HECW2: variants seen among roughly 807,000 people sequenced by gnomAD.
The protein encoded by HECW2 is E3 ubiquitin-protein ligase HECW2.
A neutral mutation model predicts 175.2 loss-of-function variants in HECW2; 61 were observed. That is an observed-to-expected ratio of 0.35 (90% CI 0.28 to 0.43). HECW2 has a LOEUF of 0.43. HECW2 is among the 20% of genes least tolerant of loss of function. The pLI is 1.00. For synonymous variants in HECW2, 671 were observed against 731.0 expected (o/e 0.92, Z 1.32); for missense variants, 1,524 against 2,000.5 (o/e 0.76, Z 4.54).
intron 1 of HECW2, among the ~76,000 whole-genome samples, chr2:196,476,996 A>T (rs1187923202): frequency 6.7e-6 from 1 of 149,796 alleles, no homozygotes. Flanking sequence ...TTTAAAAATT[A>T]GCCAGGCGTG....
chr2:196,417,577 C>A (rs571356467), intron 2 of HECW2, among the ~76,000 whole-genome samples: 55 of 152,264 alleles, frequency 3.6e-4, no homozygotes, highest in African/African-American at 1.2e-3. Flanking sequence ...GCTGATTTTT[C>A]AAAAGAATTT....
intron 28 of HECW2, among the ~76,000 whole-genome samples, chr2:196,211,033 A>C (rs1340360462): frequency 6.6e-6 from 1 of 152,214 alleles, no homozygotes; most frequent in African/African-American, 2.4e-5. Flanking sequence ...TCTATTTCAT[A>C]ATTAACTCTT....
intron 2 of HECW2, among the ~76,000 whole-genome samples, chr2:196,381,318 C>G (rs1423710776): frequency 2.6e-5 from 4 of 152,148 alleles, no homozygotes; most frequent in Non-Finnish European, 5.9e-5. Context: ...TCCTACTAAC[C>G]ATGTGGACTA....
At chr2:196,482,000 A>G (rs1686858309) in intron 1 of HECW2, among the ~76,000 whole-genome samples, 1 of 152,204 alleles carries the variant, frequency 6.6e-6, no homozygotes, top group African/African-American at 2.4e-5. Context: ...GGTGGGATAC[A>G]TAATTTGCAG....
At chr2:196,417,520 T>C (rs1695287273) in intron 2 of HECW2, among the ~76,000 whole-genome samples, 1 of 152,206 alleles carries the variant, frequency 6.6e-6, no homozygotes, top group African/African-American at 2.4e-5. Flanking sequence ...GCTCAAGTGA[T>C]CCTCCAGCCT....
intron 1 of HECW2, among the ~76,000 whole-genome samples, chr2:196,455,619 C>T (rs890516573): frequency 6.6e-6 from 1 of 152,126 alleles, no homozygotes; most frequent in Non-Finnish European, 1.5e-5. Flanking sequence ...AATACAAACT[C>T]TGGATTGCTT....
chr2:196,210,369 C>CT (rs1281322776), intron 28 of HECW2, among the ~76,000 whole-genome samples: 5 of 151,686 alleles, frequency 3.3e-5, no homozygotes, highest in Non-Finnish European at 2.9e-5. Flanking sequence ...TAGTAATTGA[C>CT]TTTTTTTTCC....
intron 23 of HECW2, 75 bp from the exon 24 acceptor site, chr2:196,222,415 AC>A: frequency 6.4e-6 from 9 of 1,415,432 alleles, no homozygotes; most frequent in Non-Finnish European, 8.7e-6. Flanking sequence ...AAGGAAAGAA[AC>A]TAAGAATTAA....
chr2:196,592,583 G>C (rs1478287644), intron 1 of HECW2: 1 of 152,352 alleles, frequency 6.6e-6, no homozygotes, highest in African/African-American at 2.4e-5. Flanking sequence ...AGGAAATGAA[G>C]CGTCCTCTCC....
intron 1 of HECW2, among the ~76,000 whole-genome samples, chr2:196,508,648 C>T (rs1687847274): frequency 6.6e-6 from 1 of 152,132 alleles, no homozygotes. Flanking sequence ...CAAATCACTC[C>T]CATTGGGGCT....
intron 13 of HECW2, among the ~76,000 whole-genome samples, 153 bp downstream of exon 13, chr2:196,306,335 C>T (rs1167301491): frequency 3.3e-5 from 5 of 152,162 alleles, no homozygotes; most frequent in South Asian, 2.1e-4. Context: ...TGGACTAAAC[C>T]GGTTAAAGTG....
chr2:196,473,189 A>G (rs1447124435), intron 1 of HECW2, among the ~76,000 whole-genome samples: 2 of 152,210 alleles, frequency 1.3e-5, no homozygotes, highest in Non-Finnish European at 2.9e-5. Flanking sequence ...GATAGCTCCA[A>G]AAGAACCATT....
chr2:196,561,681 A>ATTC (rs1187910732), intron 1 of HECW2, among the ~76,000 whole-genome samples: 51 of 152,204 alleles, frequency 3.4e-4, no homozygotes, highest in Non-Finnish European at 6.5e-4. Context: ...GGAAAATAGA[A>ATTC]AAGAACCTAT....
In HECW2 at chr2:196,407,209, C is replaced by CTTT. The variant is rs142961175; in HGVS notation, c.292+25920_292+25922dup. 2.9e-3 allele frequency among the ~76,000 whole-genome samples: 420 copies of CTTT among 143,526 alleles called. 3 individuals carry two copies. The highest frequency in any genetic ancestry group is 0.01 in the African/African-American group (400 of 39,150). 94.2% of individuals were successfully genotyped at this position (143,526 alleles called of 152,430 possible). A position where few individuals can be genotyped will look rare whatever the true frequency, so the allele number is the denominator to read the frequency against. On this transcript the variant is annotated intron_variant, in intron 2 of 28. Coordinates refer to ENST00000644978, the MANE Select transcript of HECW2 (RefSeq NM_001348768.2). ...TATGTGGCAGATAATACTTTCAAAA[C>CTTT]TTTTTTTTTTTTTTTTAAGACAGGG... is the stretch of plus-strand genomic sequence containing the variant.
At chr2:196,334,362 A>G (rs1480310387) in intron 4 of HECW2, 62 bp downstream of exon 4, 19 of 1,290,500 alleles carry the variant, frequency 1.5e-5, no homozygotes, top group Admixed American at 2.0e-5. Context: ...CCGCACAGGT[A>G]AAAATAGAAA....
chr2:196,284,185 A>G (rs963682621), intron 14 of HECW2, among the ~76,000 whole-genome samples: 3 of 152,170 alleles, frequency 2.0e-5, no homozygotes, highest in Admixed American at 2.0e-4. Flanking sequence ...CAGTTTCAAC[A>G]CTGCAAAGTT....
chr2:196,225,768 T>G lies in HECW2; in HGVS notation c.4016+4A>C. Reference sequence around the variant, plus strand: ...AATTATGCAGGCAATAAAAATATTCTTACATTCTGAGAAGAGCCTTATAAA... The same window carrying G: ...AATTATGCAGGCAATAAAAATATTCGTACATTCTGAGAAGAGCCTTATAAA... On this transcript the variant is annotated splice_donor_region_variant and intron_variant, in intron 23 of 28. Transcript: ENST00000644978. 1 of 1,566,112 alleles carries G rather than the reference T, an allele frequency of 6.4e-7. No individual in the cohort carries two copies. The highest frequency in any genetic ancestry group is 8.8e-7 in the Non-Finnish European group (1 of 1,136,770).
At chr2:196,486,166 A>T (rs1242727930) in intron 1 of HECW2, among the ~76,000 whole-genome samples, 3 of 152,216 alleles carry the variant, frequency 2.0e-5, no homozygotes, top group African/African-American at 7.2e-5. Flanking sequence ...GTTATGAATA[A>T]GGAAGGAAGG....
At chr2:196,302,402 C>T (rs1488377068) in intron 13 of HECW2, among the ~76,000 whole-genome samples, 3 of 152,090 alleles carry the variant, frequency 2.0e-5, no homozygotes, top group Non-Finnish European at 4.4e-5. Flanking sequence ...TATTCAGGCT[C>T]TTTTTTGGTT....
Sources: gnomAD v4.1 joint callset for allele counts (sites outside exome capture counted in the v4.1 genomes callset) on GRCh38, gnomAD v4.1.1 for gene constraint, MANE v1.5 for transcripts, NCBI Gene and HGNC (gene_info 2026-07-23, HGNC 2026-07-21) for gene names.